The following MAPK7 variants were observed in gnomAD, a reference collection of about 807,000 sequenced individuals.
MAPK7 encodes the protein mitogen-activated protein kinase 7.
A neutral mutation model predicts 56.9 loss-of-function variants in MAPK7; 30 were observed. The observed-to-expected ratio is 0.53, with a 90% CI of 0.39 to 0.72. MAPK7 has a LOEUF of 0.72. Ranked by LOEUF, MAPK7 falls within the 30% of genes least tolerant of loss-of-function variation. MAPK7 has a pLI of 0.00. For synonymous variants in MAPK7, 516 were observed against 449.3 expected (o/e 1.15, Z -1.88); for missense variants, 952 against 1,110.8 (o/e 0.86, Z 2.03).
chr17:19,382,748 A>G, intron 5 of MAPK7, 65 bp from the exon 6 acceptor site: 1 of 1,580,580 alleles, frequency 6.3e-7, no homozygotes, highest in Non-Finnish European at 8.6e-7. Context: ...AGTAGTCAGC[A>G]GCATTGGGAC....
chr17:19,378,922 G>A lies in MAPK7; in HGVS notation c.22G>A (p.Glu8Lys), dbSNP rs531434532. Residue 8 changes from glutamate to lysine, a missense_variant, in exon 2 of 7, where the codon GAA becomes AAA. Physicochemically the swap from Glu to Lys is moderately conservative, Grantham distance 56 (BLOSUM62 1). This residue lies in a region of MAPK7 where 213 missense variants were observed against 243.2 expected (regional missense o/e 0.88). Transcript: ENST00000395604. This position sits in a 1 kb window ranked among gnomAD's most constrained non-coding sequence, Gnocchi z 5.4. The stretch of plus-strand genomic sequence containing the variant: ...CACCATGGCCGAGCCTCTGAAGGAG[G>A]AAGACGGCGAGGACGGCTCTGCGGA... MAEPLKE[E>K]DGEDGSAEPP... is the part of the protein sequence containing the mutation. 308 of 1,578,920 alleles carry A rather than the reference G, an allele frequency of 2.0e-4. 1 individual carries two copies. The South Asian group carries it at 3.3e-3, about 17-fold the overall frequency.
chr17:19,380,155 CTT>C, intron 3 of MAPK7: 1 of 611,090 alleles, frequency 1.6e-6, no homozygotes, highest in Non-Finnish European at 2.8e-6. Context: ...TTTATAGAAT[CTT>C]AGTATATAGG....
At position 19,380,612 on chromosome 17, in the gene MAPK7, G is replaced by T; in HGVS notation, c.403G>T (p.Val135Leu). ...TCTCCTTCCTTCCCCTTCCAGCTAC[G>T]TGGTCCTGGACCTGATGGAAAGCGA... The part of the protein sequence containing the change: ...VPYGEFKSVY[V>L]VLDLMESDLH... The change falls in exon 4 of 7, where the codon GTG (valine) becomes TTG (leucine). Residue 135 changes from valine (V) to leucine (L), a missense_variant. Coordinates refer to ENST00000395604, the MANE Select transcript of MAPK7 (RefSeq NM_002749.4). The T allele has an allele frequency of 6.3e-7, 1 of 1,591,232 alleles. No homozygotes were observed. The highest frequency in any genetic ancestry group is 8.6e-7 in the Non-Finnish European group (1 of 1,163,766).
chr17:19,380,222 A>T, intron 3 of MAPK7: 1 of 516,154 alleles, frequency 1.9e-6, no homozygotes, highest in Non-Finnish European at 3.4e-6. Flanking sequence ...CCCATAGCAG[A>T]CTTCACTAAT....
chr17:19,378,741 C>T lies in MAPK7; in HGVS notation c.-6+111C>T. 2 of 1,328,326 alleles carry T rather than the reference C, an allele frequency of 1.5e-6. No homozygotes were observed. The highest frequency in any genetic ancestry group is 2.7e-4 in the Middle Eastern group (1 of 3,732). 82.3% of individuals were successfully genotyped at this position (1,328,326 alleles called of 1,614,324 possible). ...GCGGGCCCCCGGCTCTGGGCCCGGA[C>T]CCCTGGGGTAGCTAGTCTGCCACGA... On this transcript the variant is annotated intron_variant, in intron 1 of 6. Transcript: ENST00000395604. This position sits in a 1 kb window ranked among gnomAD's most constrained non-coding sequence, Gnocchi z 5.4.
chr17:19,381,176 C>T lies in MAPK7; in HGVS notation c.967C>T (p.Leu323=). The T allele has an allele frequency of 1.2e-6, 2 of 1,614,152 alleles. No individual in the cohort carries two copies. Among genetic ancestry groups the T allele is most frequent in the South Asian group, 2.2e-5 (2 of 91,090 alleles). ...YPGADRQALS[L]LGRMLRFEPS... ...AGGTGCCGACCGCCAGGCCCTATCA[C>T]TGCTGGGTCGCATGCTGCGTTTTGA... The change falls in exon 4 of 7, where the codon CTG becomes TTG. Residue 323 remains leucine, a synonymous_variant. Transcript: ENST00000395604. The surrounding 1 kb of genome is among the most constrained non-coding windows in gnomAD (Gnocchi z 4.6).
In MAPK7 at chr17:19,382,144, C is replaced by T; in HGVS notation, c.1841C>T (p.Thr614Ile). The T allele has an allele frequency of 6.2e-7, 1 of 1,612,582 alleles. No individual in the cohort carries two copies. Among genetic ancestry groups the T allele is most frequent in the Non-Finnish European group, 8.5e-7 (1 of 1,179,764 alleles). ...SPPPGPVAQP[T>I]GPQPQSAGST... Reference sequence around the variant, plus strand: ...CCTCCTGGCCCTGTAGCCCAGCCCACTGGCCCGCAACCACAATCTGCGGGC... The same window carrying T: ...CCTCCTGGCCCTGTAGCCCAGCCCATTGGCCCGCAACCACAATCTGCGGGC... The change falls in exon 5 of 7, where the codon ACT (threonine) becomes ATT (isoleucine). Residue 614 changes from threonine (T) to isoleucine (I), a missense_variant. By Grantham distance (89) the Thr-to-Ile change is moderately conservative. Around this residue, in one of 5 missense-constraint regions of MAPK7, gnomAD observed 234 missense variants for 210.4 expected, o/e 1.11. Coordinates refer to ENST00000395604, the MANE Select transcript of MAPK7 (RefSeq NM_002749.4).
At position 19,378,824 on chromosome 17, in the gene MAPK7, G is replaced by C; in HGVS notation, c.-5-72G>C. 1 of 1,385,262 alleles carries C rather than the reference G, an allele frequency of 7.2e-7. No individual in the cohort carries two copies. The highest frequency in any genetic ancestry group is 9.8e-7 in the Non-Finnish European group (1 of 1,020,632). 85.8% of individuals were successfully genotyped at this position (1,385,262 alleles called of 1,614,324 possible). ...GGAAACTGGGAAGTTCCCTGGTCCT[G>C]CTCCCCAGCCCGCAGAGGGGACACT... On this transcript the variant is annotated intron_variant, in intron 1 of 6. Coordinates refer to ENST00000395604, the MANE Select transcript of MAPK7 (RefSeq NM_002749.4). The surrounding 1 kb of genome is among the most constrained non-coding windows in gnomAD (Gnocchi z 5.4).
In MAPK7 at chr17:19,381,917, G is replaced by A. The variant is rs530131980; in HGVS notation, c.1614G>A (p.Arg538=). ...AGCGGGAGAAACGGCGGCAGGAGCGGGAGCGAAAGGAACGGGGGGCTGGGG... is the reference window on the plus strand; with the variant it reads ...AGCGGGAGAAACGGCGGCAGGAGCGAGAGCGAAAGGAACGGGGGGCTGGGG... ...AKEREKRRQE[R]ERKERGAGAS... Residue 538 remains arginine (R), a synonymous_variant, in exon 5 of 7, where the codon CGG becomes CGA. Transcript: ENST00000395604. The surrounding 1 kb of genome is among the most constrained non-coding windows in gnomAD (Gnocchi z 4.6). 2 of 1,553,880 alleles carry A rather than the reference G, an allele frequency of 1.3e-6. No individual in the cohort carries two copies. The highest frequency in any genetic ancestry group is 2.7e-5 in the African/African-American group (2 of 73,312).
At position 19,382,307 on chromosome 17, in the gene MAPK7, A is replaced by C; in HGVS notation, c.2004A>C (p.Ser668=). 2 of 1,610,530 alleles carry C rather than the reference A, an allele frequency of 1.2e-6. No individual in the cohort carries two copies. Among genetic ancestry groups the C allele is most frequent in the South Asian group, 2.2e-5 (2 of 91,016 alleles). ...ATSTSLLAAQ[S]LVPPPGLPGS... is the part of the protein sequence containing the mutation. ...CCACCAGCCTCCTGGCTGCCCAGTC[A>C]CTTGTGCCACCCCCTGGGCTGCCTG... is the stretch of plus-strand genomic sequence containing the variant. Residue 668 remains serine (S), a synonymous_variant, in exon 5 of 7, where the codon TCA becomes TCC. Transcript: ENST00000395604.
rs750809881 is a variant in MAPK7, at chr17:19,382,820, A to T, written c.2171A>T (p.Asp724Val). 1.9e-6 allele frequency: 3 copies of T among 1,613,458 alleles called. No individual in the cohort carries two copies. The Admixed American group carries it at 5.0e-5, about 27-fold the overall frequency. The stretch of plus-strand genomic sequence containing the variant: ...ACCTGTCATTCCCTGCAGGTGGAGG[A>T]CCCCCTGCCCCCTGTGTTCTCAGGC... ...TQQLSKSQVE[D>V]PLPPVFSGTP... The change falls in exon 6 of 7, where the codon GAC becomes GTC. Residue 724 changes from aspartate to valine, a missense_variant. By Grantham distance (152) the Asp-to-Val change is radical. Transcript: ENST00000395604.
At chr17:19,378,314 C>T, upstream of MAPK7, 2 of 988,312 alleles carry the variant, frequency 2.0e-6, no homozygotes, top group Non-Finnish European at 2.4e-6. This position sits in a 1 kb window ranked among gnomAD's most constrained non-coding sequence, Gnocchi z 5.4. Context: ...GTGCCGGGCA[C>T]CCTTTGGGCG....
In MAPK7 at chr17:19,383,150, C is replaced by T. The variant is rs2233083; in HGVS notation, c.2370C>T (p.Ala790=). Residue 790 remains alanine, a synonymous_variant, in exon 7 of 7, where the codon GCC becomes GCT. Transcript: ENST00000395604. ...TCGAAGGCCATGGCATGAACCCTGC[C>T]GATATTGAGTCCCTGCAGCGTGAGA... ...DWLEGHGMNP[A]DIESLQREIQ... is the part of the protein sequence containing the mutation. 4.5e-3 allele frequency: 7,270 copies of T among 1,614,088 alleles called. 365 individuals are homozygous for T. The East Asian group carries it at 0.11, about 25-fold the overall frequency.
chr17:19,378,770 A>G lies in MAPK7; in HGVS notation c.-5-126A>G. 7.8e-7 allele frequency: 1 copy of G among 1,280,458 alleles called. No individual in the cohort carries two copies. Among genetic ancestry groups the G allele is most frequent in the Non-Finnish European group, 1.0e-6 (1 of 960,652 alleles). 79.3% of individuals were successfully genotyped at this position (1,280,458 alleles called of 1,614,324 possible). A position where few individuals can be genotyped will look rare whatever the true frequency, so the allele number is the denominator to read the frequency against. On this transcript the variant is annotated intron_variant, in intron 1 of 6. Transcript: ENST00000395604. This position sits in a 1 kb window ranked among gnomAD's most constrained non-coding sequence, Gnocchi z 5.4. ...TGGGGTAGCTAGTCTGCCACGAACC[A>G]GCCGCGCGCTTCTGCCCTTGTCGGT...
chr17:19,378,915 G>A lies in MAPK7; in HGVS notation c.15G>A (p.Leu5=). ...ACACAGACACCATGGCCGAGCCTCT[G>A]AAGGAGGAAGACGGCGAGGACGGCT... is the stretch of plus-strand genomic sequence containing the variant. MAEP[L]KEEDGEDGSA... Residue 5 remains leucine, a synonymous_variant, in exon 2 of 7, where the codon CTG becomes CTA. Coordinates refer to ENST00000395604, the MANE Select transcript of MAPK7 (RefSeq NM_002749.4). The surrounding 1 kb of genome is among the most constrained non-coding windows in gnomAD (Gnocchi z 5.4). 1 of 1,574,164 alleles carries A rather than the reference G, an allele frequency of 6.4e-7. No homozygotes were observed. Among genetic ancestry groups the A allele is most frequent in the Non-Finnish European group, 8.6e-7 (1 of 1,159,114 alleles).
In MAPK7 at chr17:19,382,293, C is replaced by G; in HGVS notation, c.1990C>G (p.Leu664Val). The G allele has an allele frequency of 6.2e-7, 1 of 1,613,172 alleles. No homozygotes were observed. The highest frequency in any genetic ancestry group is 1.3e-5 in the African/African-American group (1 of 75,060). The change falls in exon 5 of 7, where the codon CTG becomes GTG. Residue 664 changes from leucine to valine, a missense_variant. By Grantham distance (32) the Leu-to-Val change is conservative. Transcript: ENST00000395604. ...CCAGATTGCCACCTCCACCAGCCTC[C>G]TGGCTGCCCAGTCACTTGTGCCACC... ...PPQIATSTSL[L>V]AAQSLVPPPG...
In MAPK7 at chr17:19,381,357, C is replaced by T; in HGVS notation, c.1148C>T (p.Ala383Val). 1.9e-6 allele frequency: 3 copies of T among 1,614,152 alleles called. No homozygotes were observed. Among genetic ancestry groups the T allele is most frequent in the Non-Finnish European group, 2.5e-6 (3 of 1,180,038 alleles). The change falls in exon 4 of 7, where the codon GCT becomes GTT. Residue 383 changes from alanine to valine, a missense_variant. Ala to Val is a moderately conservative substitution (Grantham distance 64). Coordinates refer to ENST00000395604, the MANE Select transcript of MAPK7 (RefSeq NM_002749.4). This position sits in a 1 kb window ranked among gnomAD's most constrained non-coding sequence, Gnocchi z 4.6. ...GAGCGCATTAAGGAGGCCATTGTGGCTGAAATTGAGGACTTCCATGCAAGG... is the reference window on the plus strand; with the variant it reads ...GAGCGCATTAAGGAGGCCATTGTGGTTGAAATTGAGGACTTCCATGCAAGG... ...TRERIKEAIV[A>V]EIEDFHARRE... is the part of the protein sequence containing the mutation.
chr17:19,381,500 A>G lies in MAPK7; in HGVS notation c.1291A>G (p.Met431Val), dbSNP rs1002425257. 3.7e-6 allele frequency: 6 copies of G among 1,613,686 alleles called. No homozygotes were observed. The highest frequency in any genetic ancestry group is 5.1e-6 in the Non-Finnish European group (6 of 1,179,934). The change falls in exon 4 of 7, where the codon ATG becomes GTG. Residue 431 changes from methionine to valine, a missense_variant. By Grantham distance (21) the Met-to-Val change is conservative. Transcript: ENST00000395604. This position sits in a 1 kb window ranked among gnomAD's most constrained non-coding sequence, Gnocchi z 4.6. ...SPWAPSGDCA[M>V]ESPPPAPPPC... ...CTGGGCTCCCAGTGGGGACTGTGCC[A>G]TGGAGTCTCCACCACCAGCCCCGCC...
chr17:19,381,693 T>C lies in MAPK7; in HGVS notation c.1477+7T>C. On this transcript the variant is annotated splice_region_variant and intron_variant, in intron 4 of 6. Coordinates refer to ENST00000395604, the MANE Select transcript of MAPK7 (RefSeq NM_002749.4). This position sits in a 1 kb window ranked among gnomAD's most constrained non-coding sequence, Gnocchi z 4.6. ...TTGAGGAGCCGGCTCAGAGGTGCCTTGTGGGCAGGTCGGGTGGGCAGAGGG... is the reference window on the plus strand; with the variant it reads ...TTGAGGAGCCGGCTCAGAGGTGCCTCGTGGGCAGGTCGGGTGGGCAGAGGG... 6.4e-7 allele frequency: 1 copy of C among 1,572,918 alleles called. No individual in the cohort carries two copies. Among genetic ancestry groups the C allele is most frequent in the Non-Finnish European group, 8.6e-7 (1 of 1,159,976 alleles).
Sources: gnomAD v4.1 joint callset for allele counts on GRCh38, gnomAD v4.1.1 for gene constraint, gnomAD v4.1.1 regional missense constraint, Gnocchi (gnomAD v3.1) non-coding constraint, MANE v1.5 for transcripts, NCBI Gene and HGNC (gene_info 2026-07-23, HGNC 2026-07-21) for gene names.